The following CUL9 variants were observed in gnomAD, a reference collection of about 807,000 sequenced individuals.
CUL9 encodes the protein cullin-9.
In CUL9, 79 loss-of-function variants were observed where a neutral mutation model predicts 272.6. The observed-to-expected ratio is 0.29, with a 90% CI of 0.24 to 0.35. The LOEUF (loss-of-function observed/expected upper bound fraction) is 0.35. Ranked by LOEUF, CUL9 falls within the 10% of genes least tolerant of loss-of-function variation. The pLI is 1.00. For missense variants in CUL9, 2,532 were observed against 3,255.6 expected (o/e 0.78, Z 5.41); for synonymous variants, 1,186 against 1,286.5 (o/e 0.92, Z 1.67).
chr6:43,213,723 G>T lies in CUL9; in HGVS notation c.5499G>T (p.Arg1833=). 1 of 1,613,090 alleles carries T rather than the reference G, an allele frequency of 6.2e-7. No individual in the cohort carries two copies. The highest frequency in any genetic ancestry group is 8.5e-7 in the Non-Finnish European group (1 of 1,179,800). The part of the protein sequence containing the change: ...GQDFPHGGVL[R]LHEPGPQRSG... ...GGGAGCGGGTTCCAGGTGTGCTGCG[G>T]CTTCATGAGCCTGGGCCCCAGCGCA... is the stretch of plus-strand genomic sequence containing the variant. The change falls in exon 29 of 41, where the codon CGG becomes CGT. Residue 1833 remains arginine (R), a synonymous_variant. Coordinates refer to ENST00000252050, the MANE Select transcript of CUL9 (RefSeq NM_015089.4). This position sits in a 1 kb window ranked among gnomAD's most constrained non-coding sequence, Gnocchi z 5.7.
chr6:43,206,426 C>T lies in CUL9; in HGVS notation c.5128C>T (p.Leu1710Phe). 6.2e-7 allele frequency: 1 copy of T among 1,614,238 alleles called. No homozygotes were observed. The highest frequency in any genetic ancestry group is 8.5e-7 in the Non-Finnish European group (1 of 1,180,046). The change falls in exon 26 of 41, where the codon CTC becomes TTC. Residue 1710 changes from leucine (L) to phenylalanine (F), a missense_variant. Coordinates refer to ENST00000252050, the MANE Select transcript of CUL9 (RefSeq NM_015089.4). This position sits in a 1 kb window ranked among gnomAD's most constrained non-coding sequence, Gnocchi z 4.8. ...LSPRCWPVSP[L>F]CYLYHPRKCL... ...ACCACGCTGCTGGCCCGTCTCCCCA[C>T]TCTGCTACCTGTACCATCCCAGAAA...
chr6:43,204,755 G>A lies in CUL9; in HGVS notation c.4347G>A (p.Lys1449=), dbSNP rs1471552108. Residue 1449 remains lysine (K), a synonymous_variant, in exon 22 of 41, where the codon AAG becomes AAA. Transcript: ENST00000252050. The stretch of plus-strand genomic sequence containing the variant: ...CTCCCTCTGTCTCTACAGTCAGCAA[G>A]AACAGCAAGGGTCGGGACCGGAGCC... The part of the protein sequence containing the change: ...SPEPSTRPFS[K]NSKGRDRSPA... 6.2e-7 allele frequency: 1 copy of A among 1,614,034 alleles called. No individual in the cohort carries two copies. The highest frequency in any genetic ancestry group is 8.5e-7 in the Non-Finnish European group (1 of 1,180,008).
chr6:43,204,598 C>G, intron 21 of CUL9, 59 bp downstream of exon 21: 8 of 1,604,436 alleles, frequency 5.0e-6, no homozygotes, highest in Non-Finnish European at 6.0e-6. Flanking sequence ...ATCTGGCTCC[C>G]TCCTCCCTGG....
chr6:43,215,854 G>T (rs981867415), intron 30 of CUL9, among the ~76,000 whole-genome samples: 1 of 152,202 alleles, frequency 6.6e-6, no homozygotes, highest in Non-Finnish European at 1.5e-5. Flanking sequence ...CTCACTACAG[G>T]TGCTGCCACC....
chr6:43,187,964 C>T lies in CUL9; in HGVS notation c.1833C>T (p.Ser611=). 6.2e-7 allele frequency: 1 copy of T among 1,613,990 alleles called. No homozygotes were observed. The highest frequency in any genetic ancestry group is 8.5e-7 in the Non-Finnish European group (1 of 1,179,998). ...EASFSEEETE[S]LKAKAEAPKT... ...GCTTCTCAGAGGAAGAGACTGAGTC[C>T]CTCAAAGCAAAGGCCGAGGCCCCTA... is the stretch of plus-strand genomic sequence containing the variant. Residue 611 remains serine, a synonymous_variant, in exon 7 of 41, where the codon TCC becomes TCT. Coordinates refer to ENST00000252050, the MANE Select transcript of CUL9 (RefSeq NM_015089.4).
chr6:43,215,021 G>A (rs1775820498), intron 29 of CUL9, 58 bp from the exon 30 acceptor site: 3 of 1,524,470 alleles, frequency 2.0e-6, no homozygotes, highest in Non-Finnish European at 2.6e-6. Flanking sequence ...TGGGCATTGA[G>A]CCCAGCAGCC....
rs974946012 is a variant in CUL9, at chr6:43,224,262, C to T, written c.7371C>T (p.Ser2457=). 5.0e-6 allele frequency: 8 copies of T among 1,614,024 alleles called. No individual in the cohort carries two copies. In the African/African-American group the frequency reaches 1.1e-4, roughly 22 times the overall value. The stretch of plus-strand genomic sequence containing the variant: ...TGGCTCTCCCTAGGCCCCAGGCCTC[C>T]TCAGGGCCAGAGGCAGAAGAGGAGG... ...PNMPGSQPQA[S]SGPEAEEEEE... is the part of the protein sequence containing the mutation. The change falls in exon 41 of 41, where the codon TCC becomes TCT. Residue 2457 remains serine (S), a synonymous_variant. Transcript: ENST00000252050. The surrounding 1 kb of genome is among the most constrained non-coding windows in gnomAD (Gnocchi z 4.2).
In CUL9 at chr6:43,213,175, G is replaced by A. The variant is rs1775658206; in HGVS notation, c.5239G>A (p.Gly1747Arg). 1 of 1,614,004 alleles carries A rather than the reference G, an allele frequency of 6.2e-7. No individual in the cohort carries two copies. The highest frequency in any genetic ancestry group is 1.3e-5 in the African/African-American group (1 of 74,916). Residue 1747 changes from glycine (G) to arginine (R), a missense_variant, in exon 27 of 41, where the codon GGA becomes AGA. Coordinates refer to ENST00000252050, the MANE Select transcript of CUL9 (RefSeq NM_015089.4). This position sits in a 1 kb window ranked among gnomAD's most constrained non-coding sequence, Gnocchi z 5.7. The part of the protein sequence containing the change: ...QSQNHPVLDM[G>R]PHRRLQWTWL... ...TCAGAACCATCCAGTCCTGGACATG[G>A]GACCACATCGGCGACTGCAGTGGAC...
chr6:43,214,089 A>G (rs1775740732), intron 29 of CUL9, among the ~76,000 whole-genome samples, 177 bp downstream of exon 29: 1 of 152,226 alleles, frequency 6.6e-6, no homozygotes, highest in Non-Finnish European at 1.5e-5. Flanking sequence ...AGTGTTTACC[A>G]TGAACCAGGC....
chr6:43,215,388 TC>T (rs1233881075), intron 30 of CUL9, 62 bp downstream of exon 30: 114 of 1,523,288 alleles, frequency 7.5e-5, no homozygotes, highest in South Asian at 7.6e-5. Context: ...AAAGCCAAGA[TC>T]CCTTGTGGAG....
chr6:43,185,449 A>G lies in CUL9; in HGVS notation c.596-7A>G. 1.2e-6 allele frequency: 2 copies of G among 1,612,966 alleles called. No homozygotes were observed. The highest frequency in any genetic ancestry group is 1.7e-6 in the Non-Finnish European group (2 of 1,179,832). ...AGGAGAAGATATGGATTGGGTATGG[A>G]TTACAGGGAGTCGGGCTCACGTCCT... On this transcript the variant is annotated splice_region_variant and splice_polypyrimidine_tract_variant and intron_variant, in intron 2 of 40. Coordinates refer to ENST00000252050, the MANE Select transcript of CUL9 (RefSeq NM_015089.4).
rs778436960 is a variant in CUL9, at chr6:43,216,461, C to G, written c.6240C>G (p.Asp2080Glu). ...TCTGTGTGAGCCCCCTGGGGTGTGA[C>G]GACGACCTGCCCTCTCTCTGCTGCA... ...CPVCVSPLGC[D>E]DDLPSLCCMH... Residue 2080 changes from aspartate (D) to glutamate (E), a missense_variant, in exon 31 of 41, where the codon GAC (aspartate) becomes GAG (glutamate). Coordinates refer to ENST00000252050, the MANE Select transcript of CUL9 (RefSeq NM_015089.4). 2.5e-6 allele frequency: 4 copies of G among 1,604,280 alleles called. No homozygotes were observed. The African/African-American group carries it at 4.0e-5, about 16-fold the overall frequency.
intron 5 of CUL9, 60 bp from the exon 6 acceptor site, chr6:43,187,186 G>T (rs1773012081): frequency 1.2e-6 from 2 of 1,605,478 alleles, no homozygotes; most frequent in East Asian, 2.2e-5. Flanking sequence ...CAGCCCTAGG[G>T]GTCCAGAAAT....
rs1000632278 is a variant in CUL9, at chr6:43,187,856, G to A, written c.1725G>A (p.Leu575=). The A allele has an allele frequency of 1.2e-6, 2 of 1,613,940 alleles. No individual in the cohort carries two copies. The highest frequency in any genetic ancestry group is 2.7e-5 in the African/African-American group (2 of 74,858). Residue 575 remains leucine (L), a synonymous_variant, in exon 7 of 41, where the codon CTG becomes CTA. Transcript: ENST00000252050. ...AGATCTACACCAAGTATGGGCTGCT[G>A]TCTAATGAACCAAGCAGCTCGTCTA... The part of the protein sequence containing the change: ...NSQIYTKYGL[L]SNEPSSSSTS...
rs770758605 is a variant in CUL9, at chr6:43,196,279, C to T, written c.2585+14C>T. On this transcript the variant is annotated intron_variant, in intron 10 of 40. Coordinates refer to ENST00000252050, the MANE Select transcript of CUL9 (RefSeq NM_015089.4). ...GAATACTGAGGGGTCAGGGCATTAC[C>T]TTCCCAACTCCAGGCTCCTGCTTAG... 6.2e-7 allele frequency: 1 copy of T among 1,605,950 alleles called. No homozygotes were observed. Among genetic ancestry groups the T allele is most frequent in the East Asian group, 2.2e-5 (1 of 44,746 alleles).
intron 35 of CUL9, chr6:43,222,084 C>A (rs1776414194): frequency 3.3e-6 from 2 of 600,106 alleles, no homozygotes. Flanking sequence ...CATTTAGAGC[C>A]TGGCTCTGCT....
At chr6:43,195,275 T>TA (rs1430943576) in intron 9 of CUL9, among the ~76,000 whole-genome samples, 1 of 152,242 alleles carries the variant, frequency 6.6e-6, no homozygotes, top group Non-Finnish European at 1.5e-5. Context: ...TCAACCCTTT[T>TA]ACCAGGAGAG....
rs1057252064 is a variant in CUL9, at chr6:43,186,151, G to A, written c.947G>A (p.Ser316Asn). The A allele has an allele frequency of 6.2e-7, 1 of 1,614,240 alleles. No homozygotes were observed. The highest frequency in any genetic ancestry group is 2.2e-5 in the East Asian group (1 of 44,884). ...AACCTCATCTCTGAGCTTGTGCGGA[G>A]CATGGGCTGGGCCCGGAACCTCAGC... ...VGNLISELVR[S>N]MGWARNLSEQ... The change falls in exon 4 of 41, where the codon AGC (serine) becomes AAC (asparagine). Residue 316 changes from serine (S) to asparagine (N), a missense_variant. By Grantham distance (46) the Ser-to-Asn change is conservative (BLOSUM62 1). Coordinates refer to ENST00000252050, the MANE Select transcript of CUL9 (RefSeq NM_015089.4).
At chr6:43,191,742 G>A (rs768013443) in intron 8 of CUL9, among the ~76,000 whole-genome samples, 10 of 151,322 alleles carry the variant, frequency 6.6e-5, no homozygotes, top group South Asian at 2.1e-4. Context: ...GCACCACCAC[G>A]CCTGGCTAAT....
Sources: allele counts gnomAD v4.1 joint callset (sites outside exome capture counted in the v4.1 genomes callset), GRCh38; gene constraint gnomAD v4.1.1; non-coding constraint Gnocchi (gnomAD v3.1); transcripts MANE v1.5; gene names NCBI Gene and HGNC (gene_info 2026-07-23, HGNC 2026-07-21).